The following TXNRD1 variants were observed in gnomAD, a reference collection of about 807,000 sequenced individuals.
The protein encoded by TXNRD1 is thioredoxin reductase 1, cytoplasmic.
TXNRD1 carries 57 observed loss-of-function variants against 80.3 expected under a neutral mutation model. The ratio of observed to expected loss-of-function variants is 0.71; its 90% confidence interval spans 0.57 to 0.89. TXNRD1 has a LOEUF of 0.89. Among genes scored for constraint, TXNRD1 ranks in the 40% least tolerant of loss-of-function variants. The pLI, the probability that TXNRD1 is intolerant of heterozygous loss-of-function variation, is 0.00. For missense variants in TXNRD1, 730 were observed against 803.0 expected (o/e 0.91, Z 1.10); for synonymous variants, 291 against 285.2 (o/e 1.02, Z -0.20).
At chr12:104,317,365 C>CTTTTTT (rs68031758) in intron 7 of TXNRD1, among the ~76,000 whole-genome samples, 1 of 116,334 alleles carries the variant, frequency 8.6e-6, no homozygotes, top group Non-Finnish European at 1.7e-5. Flanking sequence ...TCTGCAGTTA[C>CTTTTTT]TTTTTTTTTT....
At chr12:104,233,032 A>G (rs866748107) in intron 1 of TXNRD1, among the ~76,000 whole-genome samples, 1 of 152,364 alleles carries the variant, frequency 6.6e-6, no homozygotes, top group Middle Eastern at 3.4e-3. Flanking sequence ...GTTGTTTACA[A>G]ACTAGGAGAA....
chr12:104,251,850 G>A (rs558260280), intron 2 of TXNRD1, among the ~76,000 whole-genome samples, 172 bp downstream of exon 2: 19 of 152,244 alleles, frequency 1.2e-4, no homozygotes, highest in African/African-American at 3.6e-4. Context: ...TGGATCACAA[G>A]GTCAAGAGAT....
intron 11 of TXNRD1, among the ~76,000 whole-genome samples, chr12:104,325,752 G>T (rs992668119): frequency 2.0e-5 from 3 of 151,922 alleles, no homozygotes; most frequent in Non-Finnish European, 4.4e-5. Flanking sequence ...TGCGCCTGTA[G>T]TCCCAGCTAT....
At chr12:104,231,823 C>T (rs2135684107) in intron 1 of TXNRD1, among the ~76,000 whole-genome samples, 1 of 152,282 alleles carries the variant, frequency 6.6e-6, no homozygotes, top group Middle Eastern at 3.4e-3. Flanking sequence ...TTACCCATCC[C>T]TTTTTGTTTC....
intron 12 of TXNRD1, among the ~76,000 whole-genome samples, chr12:104,326,695 A>G (rs987387475): frequency 2.0e-5 from 3 of 151,990 alleles, no homozygotes; most frequent in African/African-American, 7.2e-5. Context: ...CGAACTCCTG[A>G]CCTCAGGTGA....
chr12:104,333,195 G>T (rs1447706689), intron 14 of TXNRD1, among the ~76,000 whole-genome samples: 1 of 151,782 alleles, frequency 6.6e-6, no homozygotes, highest in African/African-American at 2.4e-5. Context: ...ATAATTCATT[G>T]TTTCTCAGTT....
intron 4 of TXNRD1, chr12:104,309,967 G>C: frequency 1.3e-6 from 2 of 1,532,046 alleles, no homozygotes; most frequent in Middle Eastern, 1.7e-4. Context: ...ACAGTGCTGT[G>C]CTTCCTCCTT....
chr12:104,303,800 T>G, intron 4 of TXNRD1: 1 of 1,365,096 alleles, frequency 7.3e-7, no homozygotes, highest in East Asian at 2.6e-5. Flanking sequence ...GGCCGTTACC[T>G]CAGAGATACC....
intron 13 of TXNRD1, among the ~76,000 whole-genome samples, chr12:104,329,049 T>A (rs1205876419): frequency 6.6e-6 from 1 of 152,176 alleles, no homozygotes; most frequent in Non-Finnish European, 1.5e-5. Context: ...ATTTGTGACC[T>A]GGGGTTATTT....
chr12:104,341,523 C>T (rs899726454), intron 16 of TXNRD1, among the ~76,000 whole-genome samples: 3 of 152,122 alleles, frequency 2.0e-5, no homozygotes, highest in African/African-American at 4.8e-5. Flanking sequence ...CACTGGGGTG[C>T]CACATTTGTG....
At position 104,322,809 on chromosome 12, in the gene TXNRD1, T is replaced by A. The variant is rs529525630; in HGVS notation, c.1215+1493T>A. Among the ~76,000 whole-genome samples the A allele has an allele frequency of 8.4e-3, 1,270 of 151,396 alleles. 15 individuals are homozygous for A. The highest frequency in any genetic ancestry group is 0.012 in the Non-Finnish European group (827 of 67,850). The stretch of plus-strand genomic sequence containing the variant: ...CTTCCTATATACAATTTTTTTTTTT[T>A]AATTTATTTTTTTATTGATAATTCT... On this transcript the variant is annotated intron_variant, in intron 10 of 16. Coordinates refer to ENST00000525566, the MANE Select transcript of TXNRD1 (RefSeq NM_001093771.3).
chr12:104,266,784 A>G (rs539297340), intron 3 of TXNRD1, among the ~76,000 whole-genome samples: 37 of 152,124 alleles, frequency 2.4e-4, no homozygotes, highest in African/African-American at 8.7e-4. Context: ...AACAGGGTGA[A>G]ACCCCGTCTC....
intron 15 of TXNRD1, among the ~76,000 whole-genome samples, chr12:104,337,238 A>C (rs2036169280): frequency 6.6e-6 from 1 of 151,984 alleles, no homozygotes; most frequent in Admixed American, 6.6e-5. Context: ...CGGAATCGTC[A>C]GGGCGAATAT....
At chr12:104,271,882 A>AT (rs397723804) in intron 3 of TXNRD1, among the ~76,000 whole-genome samples, 1 of 151,472 alleles carries the variant, frequency 6.6e-6, no homozygotes, top group Non-Finnish European at 1.5e-5. Context: ...AAAAAAAAAA[A>AT]GTAGAAGAAA....
At chr12:104,345,504 G>A (rs2036459202) in intron 16 of TXNRD1, among the ~76,000 whole-genome samples, 1 of 152,196 alleles carries the variant, frequency 6.6e-6, no homozygotes, top group African/African-American at 2.4e-5. Context: ...GGCTACTCTT[G>A]TTTGTCCTGT....
chr12:104,278,783 G>A lies in TXNRD1; in HGVS notation c.305-10148G>A, dbSNP rs534364173. ...CCCAAAGTGTTGGGATTACAGGCGT[G>A]AGCCACCGCACCCAGCCTCTGATCA... On this transcript the variant is annotated intron_variant, in intron 3 of 16. Transcript: ENST00000525566. Among the ~76,000 whole-genome samples, 6 of 152,304 alleles carry A rather than the reference G, an allele frequency of 3.9e-5. No individual in the cohort carries two copies. The South Asian group carries it at 6.2e-4, about 16-fold the overall frequency.
At chr12:104,306,680 A>G (rs2034928878) in intron 4 of TXNRD1, among the ~76,000 whole-genome samples, 1 of 152,118 alleles carries the variant, frequency 6.6e-6, no homozygotes, top group African/African-American at 2.4e-5. Flanking sequence ...AAACTTGGCA[A>G]ATTATTTTCT....
At chr12:104,280,256 T>A (rs1047804259) in intron 3 of TXNRD1, 1 of 152,208 alleles carries the variant, frequency 6.6e-6, no homozygotes, top group African/African-American at 2.4e-5. Flanking sequence ...ACCATTTTCA[T>A]AAGTGACCTC....
At chr12:104,340,986 A>G (rs917232363) in intron 16 of TXNRD1, among the ~76,000 whole-genome samples, 2 of 152,168 alleles carry the variant, frequency 1.3e-5, no homozygotes, top group Admixed American at 1.3e-4. Flanking sequence ...TTCAGCTCTC[A>G]GTGGGCTTGT....
Sources: allele counts gnomAD v4.1 joint callset (sites outside exome capture counted in the v4.1 genomes callset), GRCh38; gene constraint gnomAD v4.1.1; transcripts MANE v1.5; gene names NCBI Gene and HGNC (gene_info 2026-07-23, HGNC 2026-07-21).